The following PRPF6 variants were observed in gnomAD, a reference collection of about 807,000 sequenced individuals.
PRPF6 encodes pre-mRNA processing factor 6, also known as pre-mRNA-processing factor 6.
Under a neutral mutation model 118.3 loss-of-function variants are expected in PRPF6, and 42 were observed. The observed-to-expected ratio is 0.35, with a 90% CI of 0.28 to 0.46. The LOEUF (loss-of-function observed/expected upper bound fraction) is 0.46. Among genes scored for constraint, PRPF6 ranks in the 20% least tolerant of loss-of-function variants. PRPF6 has a pLI of 1.00. For missense variants in PRPF6, 662 were observed against 1,255.7 expected, an observed-to-expected ratio of 0.53 and a Z score of 7.15; for synonymous variants, 481 against 485.1, an observed-to-expected ratio of 0.99 and a Z score of 0.11.
intron 4 of PRPF6, among the ~76,000 whole-genome samples, chr20:63,994,147 C>G (rs993127814): frequency 2.7e-5 from 4 of 147,830 alleles, no homozygotes; most frequent in Non-Finnish European, 6.0e-5. Context: ...ATTGATTTTT[C>G]TTTTCTTTTT....
intron 20 of PRPF6, among the ~76,000 whole-genome samples, chr20:64,032,279 C>A (rs2059318444): frequency 6.6e-6 from 1 of 152,250 alleles, no homozygotes; most frequent in African/African-American, 2.4e-5. Flanking sequence ...AATTGAGGCA[C>A]CCTGTCCGTT....
intron 3 of PRPF6, among the ~76,000 whole-genome samples, chr20:63,988,411 C>T (rs557123694): frequency 1.3e-5 from 2 of 150,552 alleles, no homozygotes; most frequent in African/African-American, 2.4e-5. Flanking sequence ...GCAGGAGAAT[C>T]GCTTGAACCC....
intron 13 of PRPF6, among the ~76,000 whole-genome samples, chr20:64,023,241 G>A (rs2059274324): frequency 6.6e-6 from 1 of 152,262 alleles, no homozygotes; most frequent in Non-Finnish European, 1.5e-5. Flanking sequence ...TCTGGGCTCA[G>A]GCAGGCATAT....
chr20:63,993,789 G>C (rs894564367), intron 4 of PRPF6, among the ~76,000 whole-genome samples: 1 of 147,790 alleles, frequency 6.8e-6, no homozygotes, highest in South Asian at 2.1e-4. Context: ...TGGCTCTGTT[G>C]CCCTGGCTGG....
rs867805089 is a variant in PRPF6 at position 64,027,891 on chromosome 20, C to A, written c.2339+155C>A. Among the ~76,000 whole-genome samples, 1 of 152,174 alleles carries A rather than the reference C, an allele frequency of 6.6e-6. No homozygotes were observed. The highest frequency in any genetic ancestry group is 2.1e-4 in the South Asian group (1 of 4,832). On this transcript the variant is annotated intron_variant, in intron 17 of 20. Transcript: ENST00000266079. This position sits in a 1 kb window ranked among gnomAD's most constrained non-coding sequence, Gnocchi z 6.5. ...TGCTGGCCATGAAAAATCACGGTCCCTGCCTTAGGAGAGTTCGGCCTAGGT... is the reference window on the plus strand; with the variant it reads ...TGCTGGCCATGAAAAATCACGGTCCATGCCTTAGGAGAGTTCGGCCTAGGT...
intron 11 of PRPF6, among the ~76,000 whole-genome samples, chr20:64,014,531 C>T (rs1224893204): frequency 1.3e-5 from 2 of 151,920 alleles, no homozygotes; most frequent in African/African-American, 4.8e-5. Context: ...ATGGTGGGCA[C>T]CTATAATTCC....
rs886056958 is a variant in PRPF6, at chr20:63,981,160, C to G, written c.-86C>G. On this transcript the variant is annotated 5_prime_UTR_variant, in exon 1 of 21. It adds an upstream start codon to the 5' untranslated region. Coordinates refer to ENST00000266079, the MANE Select transcript of PRPF6 (RefSeq NM_012469.4). ...GGCGACACTTTGCTACGGAGTGCAT[C>G]GGACGTCGAAGCCTAGAGTCTCTGC... The G allele has an allele frequency of 2.9e-6, 4 of 1,396,970 alleles. No individual in the cohort carries two copies. The allele number at this position is 1,396,970 out of a possible 1,614,324, so 86.5% of individuals were successfully genotyped here.
intron 9 of PRPF6, among the ~76,000 whole-genome samples, chr20:64,009,212 C>T (rs574160356): frequency 1.5e-5 from 2 of 132,674 alleles, no homozygotes; most frequent in South Asian, 4.6e-4. Flanking sequence ...ACCCGGGTGG[C>T]AGAGGTTGCA....
chr20:64,031,760 T>C (rs1445785498), intron 19 of PRPF6, among the ~76,000 whole-genome samples, 158 bp from the exon 20 acceptor site: 1 of 151,884 alleles, frequency 6.6e-6, no homozygotes, highest in Non-Finnish European at 1.5e-5. Context: ...GGGGTAATTA[T>C]TTCTGGATCA....
intron 9 of PRPF6, 99 bp from the exon 10 acceptor site, chr20:64,010,101 G>A (rs1233989092): frequency 6.9e-6 from 7 of 1,019,550 alleles, no homozygotes; most frequent in Non-Finnish European, 9.3e-6. Flanking sequence ...TGTCAACCAG[G>A]GAAGTCCGTC....
intron 10 of PRPF6, among the ~76,000 whole-genome samples, chr20:64,010,558 C>G (rs562470797): frequency 6.6e-6 from 1 of 152,242 alleles, no homozygotes; most frequent in Non-Finnish European, 1.5e-5. Flanking sequence ...TTAGCTCATA[C>G]CTGACCACTG....
At position 64,029,291 on chromosome 20, in the gene PRPF6, G is replaced by A. The variant is rs1412634027; in HGVS notation, c.2432-86G>A. The A allele has an allele frequency of 1.2e-5, 15 of 1,230,538 alleles. No homozygotes were observed. The East Asian group carries it at 1.9e-4, about 15-fold the overall frequency. 76.2% of individuals were successfully genotyped at this position (1,230,538 alleles called of 1,614,324 possible). On this transcript the variant is annotated intron_variant, in intron 18 of 20. Coordinates refer to ENST00000266079, the MANE Select transcript of PRPF6 (RefSeq NM_012469.4). This position sits in a 1 kb window ranked among gnomAD's most constrained non-coding sequence, Gnocchi z 4.8. ...GAGGCCCCTGTCGTGGTCTGAGGACGTCCCGGGTTAGAATCTGTAGGCTGG... is the reference window on the plus strand; with the variant it reads ...GAGGCCCCTGTCGTGGTCTGAGGACATCCCGGGTTAGAATCTGTAGGCTGG...
At position 63,983,895 on chromosome 20, in the gene PRPF6, C is replaced by T. The variant is rs115269899; in HGVS notation, c.240+680C>T. 4.4e-3 allele frequency among the ~76,000 whole-genome samples: 666 copies of T among 152,244 alleles called. 6 individuals carry two copies. The highest frequency in any genetic ancestry group is 0.015 in the African/African-American group (637 of 41,550). Reference sequence around the variant, plus strand: ...CTCGAACTCCTGACTTCAGGTTGTCCGCACGCTTCGGCTTCCCAAAGTGTT... The same window carrying T: ...CTCGAACTCCTGACTTCAGGTTGTCTGCACGCTTCGGCTTCCCAAAGTGTT... On this transcript the variant is annotated intron_variant, in intron 2 of 20. Transcript: ENST00000266079.
chr20:64,022,537 A>G (rs1478429513), intron 12 of PRPF6, among the ~76,000 whole-genome samples: 1 of 152,032 alleles, frequency 6.6e-6, no homozygotes, highest in Non-Finnish European at 1.5e-5. Flanking sequence ...CGAACTCCTG[A>G]CTTCAGATGA....
chr20:64,017,173 A>T (rs1378148706), intron 12 of PRPF6, among the ~76,000 whole-genome samples: 3 of 152,202 alleles, frequency 2.0e-5, no homozygotes, highest in African/African-American at 7.2e-5. Context: ...TAATCTCCTG[A>T]CCTCGTGATC....
In PRPF6 at chr20:63,999,152, C is replaced by T; in HGVS notation, c.866+13C>T. 6.2e-7 allele frequency: 1 copy of T among 1,609,796 alleles called. No homozygotes were observed. The highest frequency in any genetic ancestry group is 8.5e-7 in the Non-Finnish European group (1 of 1,176,510). On this transcript the variant is annotated intron_variant, in intron 7 of 20. Coordinates refer to ENST00000266079, the MANE Select transcript of PRPF6 (RefSeq NM_012469.4). ...GAGGAGACATCAAGTGAGTGCTTTG[C>T]AGAATCGCTGGGCTGGGATGGAGAC...
At chr20:63,993,325 G>T in intron 3 of PRPF6, 82 bp from the exon 4 acceptor site, 6 of 855,816 alleles carry the variant, frequency 7.0e-6, no homozygotes, top group East Asian at 3.1e-5. Flanking sequence ...TGTTCTTTTT[G>T]GTGATTTAAT....
At chr20:63,999,256 A>G in intron 7 of PRPF6, 117 bp downstream of exon 7, 1 of 875,806 alleles carries the variant, frequency 1.1e-6, no homozygotes, top group Non-Finnish European at 1.9e-6. Flanking sequence ...AAGAAATGTA[A>G]AGTGGAGTAG....
Position 64,027,515 on chromosome 20 carries a change from C to A in PRPF6, c.2206-88C>A. The A allele has an allele frequency of 6.3e-7, 1 of 1,579,034 alleles. No individual in the cohort carries two copies. The highest frequency in any genetic ancestry group is 1.1e-5 in the South Asian group (1 of 90,052). On this transcript the variant is annotated intron_variant, in intron 16 of 20. Coordinates refer to ENST00000266079, the MANE Select transcript of PRPF6 (RefSeq NM_012469.4). This position sits in a 1 kb window ranked among gnomAD's most constrained non-coding sequence, Gnocchi z 6.5. ...ACATGGCAGCCCTGAGGGACTCGGT[C>A]ACCCACTGCAGATGAGAAGCTGGGC...
Sources: allele counts gnomAD v4.1 joint callset (sites outside exome capture counted in the v4.1 genomes callset), GRCh38; gene constraint gnomAD v4.1.1; non-coding constraint Gnocchi (gnomAD v3.1); transcripts MANE v1.5; gene names NCBI Gene and HGNC (gene_info 2026-07-23, HGNC 2026-07-21).